The following RBFOX1 variants were observed in gnomAD, a reference collection of about 807,000 sequenced individuals.
RBFOX1 encodes the protein RNA binding fox-1 homolog 1, also known as RNA binding protein fox-1 homolog 1.
Under a neutral mutation model 57.7 loss-of-function variants are expected in RBFOX1, and 8 were observed. The observed-to-expected ratio is 0.14, with a 90% CI of 0.08 to 0.25. The LOEUF (loss-of-function observed/expected upper bound fraction) is 0.25. Ranked by LOEUF, RBFOX1 falls within the 10% of genes least tolerant of loss-of-function variation. The pLI is 1.00. For missense variants in RBFOX1, 611 were observed against 548.5 expected, an observed-to-expected ratio of 1.11 and a Z score of -1.14; for synonymous variants, 326 against 222.4, an observed-to-expected ratio of 1.47 and a Z score of -4.15.
intron 1 of RBFOX1, among the ~76,000 whole-genome samples, chr16:6,168,266 G>T (rs2152759620): frequency 6.6e-6 from 1 of 152,314 alleles, no homozygotes; most frequent in South Asian, 2.1e-4. Flanking sequence ...AATCGTGCAT[G>T]GTGCGGAGGG....
At chr16:6,101,581 G>T (rs1188936506) in intron 1 of RBFOX1, among the ~76,000 whole-genome samples, 2 of 152,096 alleles carry the variant, frequency 1.3e-5, no homozygotes, top group Non-Finnish European at 2.9e-5. Context: ...CCACCTCCCA[G>T]GTTCAAGTGA....
intron 3 of RBFOX1, among the ~76,000 whole-genome samples, chr16:6,979,485 C>G (rs568462962): frequency 2.0e-5 from 3 of 152,234 alleles, no homozygotes; most frequent in South Asian, 2.1e-4. Flanking sequence ...CAGTACCTTT[C>G]TATTGATTGA....
chr16:6,752,801 C>G (rs1159141024), intron 3 of RBFOX1, among the ~76,000 whole-genome samples: 6 of 133,018 alleles, frequency 4.5e-5, no homozygotes, highest in African/African-American at 1.6e-4. Flanking sequence ...AATTGTCAAA[C>G]TTTATTCCTA....
intron 1 of RBFOX1, among the ~76,000 whole-genome samples, chr16:5,370,301 C>A (rs4786681): frequency 7.2e-5 from 11 of 151,886 alleles, no homozygotes; most frequent in Non-Finnish European, 1.2e-4. Context: ...GAGATCTAGA[C>A]GGCATCTCCA....
chr16:5,243,987 C>T (rs564701315), intron 1 of RBFOX1, among the ~76,000 whole-genome samples: 1 of 152,230 alleles, frequency 6.6e-6, no homozygotes, highest in South Asian at 2.1e-4. Context: ...ACCTCCACCT[C>T]CTGGGCTCAA....
At chr16:5,744,654 C>T (rs1056290373) in intron 3 of RBFOX1, among the ~76,000 whole-genome samples, 11 of 152,112 alleles carry the variant, frequency 7.2e-5, no homozygotes, top group South Asian at 2.1e-4. Context: ...CCATCTCACC[C>T]GATCTGAAAT....
chr16:7,417,088 G>T (rs1051605717), intron 4 of RBFOX1, among the ~76,000 whole-genome samples: 9 of 152,174 alleles, frequency 5.9e-5, no homozygotes, highest in Non-Finnish European at 1.0e-4. Context: ...AGCACAAAGA[G>T]TCCGGGCATG....
chr16:7,511,990 T>A (rs1336001098), intron 4 of RBFOX1, among the ~76,000 whole-genome samples: 1 of 152,226 alleles, frequency 6.6e-6, no homozygotes, highest in Non-Finnish European at 1.5e-5. Context: ...AGCATTTGCT[T>A]GATGATGTGG....
At chr16:6,854,704 C>A (rs941560605) in intron 3 of RBFOX1, among the ~76,000 whole-genome samples, 1 of 147,874 alleles carries the variant, frequency 6.8e-6, no homozygotes, top group Admixed American at 6.9e-5. Flanking sequence ...AAGTCGTTCT[C>A]CTGCGTCAGC....
chr16:6,351,230 A>G (rs1472396283), intron 2 of RBFOX1, among the ~76,000 whole-genome samples: 2 of 151,200 alleles, frequency 1.3e-5, no homozygotes, highest in Non-Finnish European at 2.9e-5. Flanking sequence ...ACAACTGTGT[A>G]ATTATATATA....
intron 3 of RBFOX1, among the ~76,000 whole-genome samples, chr16:7,003,164 A>G (rs552936193): frequency 6.6e-6 from 1 of 152,286 alleles, no homozygotes; most frequent in Admixed American, 6.5e-5. Flanking sequence ...CAGATCGTTT[A>G]AAAAGGAGTT....
chr16:7,412,412 CA>C (rs376200574), intron 4 of RBFOX1, among the ~76,000 whole-genome samples: 48 of 132,184 alleles, frequency 3.6e-4, no homozygotes, highest in Non-Finnish European at 3.3e-4. Flanking sequence ...GACATTCTGC[CA>C]AAAAAAAAAA....
At chr16:7,639,026 C>A (rs1458392837) in intron 11 of RBFOX1, among the ~76,000 whole-genome samples, 1 of 151,818 alleles carries the variant, frequency 6.6e-6, no homozygotes, top group Non-Finnish European at 1.5e-5. Flanking sequence ...TCTCCTGGTA[C>A]CTATTAAGAT....
intron 3 of RBFOX1, among the ~76,000 whole-genome samples, chr16:6,681,303 G>C (rs1441698617): frequency 6.6e-6 from 1 of 151,806 alleles, no homozygotes; most frequent in Non-Finnish European, 1.5e-5. Flanking sequence ...AGGTGACAGA[G>C]CAAGAGCCTG....
chr16:7,559,996 C>G (rs1237098098), intron 5 of RBFOX1, among the ~76,000 whole-genome samples: 1 of 152,166 alleles, frequency 6.6e-6, no homozygotes, highest in African/African-American at 2.4e-5. Context: ...TATTTGTCAC[C>G]TGTGAAGGTT....
intron 3 of RBFOX1, among the ~76,000 whole-genome samples, chr16:6,661,984 A>G (rs531506301): frequency 1.4e-3 from 206 of 152,326 alleles, no homozygotes; most frequent in Non-Finnish European, 2.5e-3. Flanking sequence ...ATGTGCAACA[A>G]GATAGATGAA....
intron 4 of RBFOX1, among the ~76,000 whole-genome samples, chr16:7,513,116 A>C (rs1278655434): frequency 6.6e-6 from 1 of 152,062 alleles, no homozygotes; most frequent in Non-Finnish European, 1.5e-5. Flanking sequence ...ACAAAAAATT[A>C]GCCAGTCATC....
chr16:6,168,335 G>C (rs2096932959), intron 1 of RBFOX1, among the ~76,000 whole-genome samples: 1 of 152,132 alleles, frequency 6.6e-6, no homozygotes, highest in Non-Finnish European at 1.5e-5. Flanking sequence ...TTTTCAACTT[G>C]TGCTTGTTTT....
chr16:7,340,381 T>A (rs1457461644), intron 4 of RBFOX1, among the ~76,000 whole-genome samples: 30 of 152,232 alleles, frequency 2.0e-4, no homozygotes, highest in Non-Finnish European at 4.4e-5. Context: ...TAGGTAGTTT[T>A]ATTGCCTTCC....
Sources: gnomAD v4.1 joint callset for allele counts (sites outside exome capture counted in the v4.1 genomes callset) on GRCh38, gnomAD v4.1.1 for gene constraint, MANE v1.5 for transcripts, NCBI Gene and HGNC (gene_info 2026-07-23, HGNC 2026-07-21) for gene names.